Variants in OPRD1 observed in about 807,000 individuals in gnomAD.
OPRD1 encodes the protein delta-type opioid receptor.
Under a neutral mutation model 17.5 loss-of-function variants are expected in OPRD1, and 19 were observed. That is an observed-to-expected ratio of 1.09 (90% confidence interval 0.76 to 1.60). The LOEUF (loss-of-function observed/expected upper bound fraction) is 1.60. OPRD1 is among the 40% of genes most tolerant of loss of function. The pLI, the probability that OPRD1 is intolerant of heterozygous loss-of-function variation, is 0.00. For missense variants in OPRD1, 483 were observed against 547.2 expected (o/e 0.88, Z 1.17); for synonymous variants, 256 against 240.9 (o/e 1.06, Z -0.58).
chr1:28,860,134 G>T (rs749865568), intron 2 of OPRD1, among the ~76,000 whole-genome samples: 1 of 152,204 alleles, frequency 6.6e-6, no homozygotes, highest in African/African-American at 2.4e-5. Context: ...GGAGGCCAAG[G>T]CGGGTGAATC....
intron 1 of OPRD1, among the ~76,000 whole-genome samples, chr1:28,840,599 C>T (rs2088887664): frequency 6.6e-6 from 1 of 152,136 alleles, no homozygotes; most frequent in African/African-American, 2.4e-5. Flanking sequence ...ATAATAAACA[C>T]TGTCTGCCCC....
At chr1:28,823,523 A>T (rs926901340) in intron 1 of OPRD1, among the ~76,000 whole-genome samples, 1 of 151,948 alleles carries the variant, frequency 6.6e-6, no homozygotes, top group Non-Finnish European at 1.5e-5. Flanking sequence ...CAGCCTCCTG[A>T]GTAGCTGGGA....
At chr1:28,829,085 G>T (rs2088791401) in intron 1 of OPRD1, among the ~76,000 whole-genome samples, 1 of 151,936 alleles carries the variant, frequency 6.6e-6, no homozygotes, top group Admixed American at 6.6e-5. Flanking sequence ...AGTCCTAGAT[G>T]ATATCTTACT....
chr1:28,812,819 G>GA (rs2088643768), intron 1 of OPRD1, among the ~76,000 whole-genome samples: 2 of 152,330 alleles, frequency 1.3e-5, no homozygotes, highest in East Asian at 1.9e-4. Context: ...TGTGGTGCGG[G>GA]GGGGGGAGTG....
chr1:28,862,737 C>T lies in OPRD1; in HGVS notation c.578-5C>T. On this transcript the variant is annotated splice_polypyrimidine_tract_variant and splice_region_variant and intron_variant, in intron 2 of 2. Transcript: ENST00000234961. ...CGTCTGTCTTTCCTTGTTTCCGCGGCCCAGACGGGGCAGTGGTGTGCATGC... is the reference window on the plus strand; with the variant it reads ...CGTCTGTCTTTCCTTGTTTCCGCGGTCCAGACGGGGCAGTGGTGTGCATGC... 3 of 1,588,776 alleles carry T rather than the reference C, an allele frequency of 1.9e-6. No homozygotes were observed. Among genetic ancestry groups the T allele is most frequent in the South Asian group, 1.1e-5 (1 of 87,070 alleles).
In OPRD1 at chr1:28,869,972, C is replaced by T. The variant is rs2089203300; in HGVS notation, c.*6689C>T. On this transcript the variant is annotated 3_prime_UTR_variant, in exon 3 of 3. Coordinates refer to ENST00000234961, the MANE Select transcript of OPRD1 (RefSeq NM_000911.4). ...TGTTGCCTTGTGACCTTGGGCATGT[C>T]ATTTCACTCTGAGCCATTTCTCAGT... The T allele has an allele frequency of 6.6e-6, 1 of 152,212 alleles. No homozygotes were observed. Among genetic ancestry groups the T allele is most frequent in the Non-Finnish European group, 1.5e-5 (1 of 68,054 alleles). The allele number at this position is 152,212 out of a possible 1,614,324, so 9.4% of individuals were successfully genotyped here.
intron 1 of OPRD1, among the ~76,000 whole-genome samples, chr1:28,845,551 T>G (rs1449088458): frequency 6.6e-6 from 1 of 151,164 alleles, no homozygotes; most frequent in African/African-American, 2.4e-5. Flanking sequence ...AGGCTTTTGG[T>G]GTCATATCCA....
At chr1:28,848,787 G>A (rs1010530944) in intron 1 of OPRD1, among the ~76,000 whole-genome samples, 1 of 152,192 alleles carries the variant, frequency 6.6e-6, no homozygotes, top group African/African-American at 2.4e-5. Flanking sequence ...TATGACCTTG[G>A]ATAAATCACC....
At chr1:28,821,257 C>T (rs2124260273) in intron 1 of OPRD1, among the ~76,000 whole-genome samples, 1 of 152,262 alleles carries the variant, frequency 6.6e-6, no homozygotes. Flanking sequence ...TACCTGCCAC[C>T]ATGCCCGGCT....
rs76667511 is a variant in OPRD1 at position 28,839,804 on chromosome 1, G to A, written c.228-19150G>A. Reference sequence around the variant, plus strand: ...AGAGCTGAGTCACTTCAGACTTCAGGGCAAACCGGGTCAGGCCCAGGCATC... The same window carrying A: ...AGAGCTGAGTCACTTCAGACTTCAGAGCAAACCGGGTCAGGCCCAGGCATC... On this transcript the variant is annotated intron_variant, in intron 1 of 2. Coordinates refer to ENST00000234961, the MANE Select transcript of OPRD1 (RefSeq NM_000911.4). Among the ~76,000 whole-genome samples the A allele has an allele frequency of 9.2e-5, 14 of 152,334 alleles. No individual in the cohort carries two copies. The East Asian group carries it at 2.5e-3, about 27-fold the overall frequency.
intron 2 of OPRD1, 107 bp downstream of exon 2, chr1:28,859,410 C>A: frequency 4.3e-6 from 4 of 921,886 alleles, no homozygotes; most frequent in Non-Finnish European, 6.4e-6. Context: ...GGTGGCTCAT[C>A]AGCAGAGGTT....
chr1:28,846,846 T>TTTCTTTCTTTCTTTCTTTTCTTTC (rs769212543), intron 1 of OPRD1, among the ~76,000 whole-genome samples: 201 of 76,834 alleles, frequency 2.6e-3, no homozygotes, highest in East Asian at 0.023. Flanking sequence ...TCTTTCTTTC[T>TTTCTTTCTTTCTTTCTTTTCTTTC]TTTCTTTCTT....
intron 1 of OPRD1, among the ~76,000 whole-genome samples, chr1:28,843,066 A>T (rs1207289746): frequency 6.6e-6 from 1 of 152,092 alleles, no homozygotes; most frequent in Non-Finnish European, 1.5e-5. Context: ...GCACGCTTTC[A>T]CACGTGCGGC....
At position 28,863,697 on chromosome 1, in the gene OPRD1, A is replaced by G. The variant is rs563593096; in HGVS notation, c.*414A>G. 3.1e-4 allele frequency: 54 copies of G among 175,938 alleles called. No homozygotes were observed. The highest frequency in any genetic ancestry group is 1.1e-3 in the African/African-American group (47 of 42,504). 10.9% of individuals were successfully genotyped at this position (175,938 alleles called of 1,614,324 possible). A position where few individuals can be genotyped will look rare whatever the true frequency, so the allele number is the denominator to read the frequency against. On this transcript the variant is annotated 3_prime_UTR_variant, in exon 3 of 3. Transcript: ENST00000234961. ...CTTTCGGAGTTGGGGGTCCGGGCCCAGGACCCAGAAAGGGCAGTGGTGGGG... is the reference window on the plus strand; with the variant it reads ...CTTTCGGAGTTGGGGGTCCGGGCCCGGGACCCAGAAAGGGCAGTGGTGGGG...
chr1:28,826,825 A>G (rs1460631159), intron 1 of OPRD1, among the ~76,000 whole-genome samples: 1 of 152,242 alleles, frequency 6.6e-6, no homozygotes, highest in Non-Finnish European at 1.5e-5. Context: ...ATTTCTCTGT[A>G]GCATGCGATG....
At chr1:28,843,997 C>A (rs995514892) in intron 1 of OPRD1, among the ~76,000 whole-genome samples, 2 of 152,138 alleles carry the variant, frequency 1.3e-5, no homozygotes, top group Non-Finnish European at 1.5e-5. Flanking sequence ...GCTTTTAATT[C>A]TTCTACCAGA....
rs565792881 is a variant in OPRD1 at position 28,841,714 on chromosome 1, A to AT, written c.228-17238dup. 2.1e-3 allele frequency among the ~76,000 whole-genome samples: 322 copies of AT among 150,894 alleles called. 1 individual carries two copies. Among genetic ancestry groups the AT allele is most frequent in the African/African-American group, 7.5e-3 (310 of 41,234 alleles). On this transcript the variant is annotated intron_variant, in intron 1 of 2. Transcript: ENST00000234961. ...TTATTTTTATTTTATTTATTTATTT[A>AT]TTATTATTATTATTTTTGAAACAGA...
chr1:28,812,714 G>T (rs2088642983), intron 1 of OPRD1, 104 bp downstream of exon 1: 1 of 1,063,304 alleles, frequency 9.4e-7, no homozygotes, highest in Non-Finnish European at 1.3e-6. Context: ...CCGCGCCTCC[G>T]CATTTCCTGC....
intron 1 of OPRD1, among the ~76,000 whole-genome samples, chr1:28,849,605 C>A (rs1047338539): frequency 3.3e-5 from 5 of 152,208 alleles, no homozygotes; most frequent in Non-Finnish European, 7.3e-5. Context: ...ATTTAAAAAT[C>A]AGCGTTTAAT....
Sources: gnomAD v4.1 joint callset for allele counts (sites outside exome capture counted in the v4.1 genomes callset) on GRCh38, gnomAD v4.1.1 for gene constraint, MANE v1.5 for transcripts, NCBI Gene and HGNC (gene_info 2026-07-23, HGNC 2026-07-21) for gene names.